PARD3B: variants seen among roughly 807,000 people sequenced by gnomAD.
PARD3B encodes par-3 family cell polarity regulator beta, also known as partitioning defective 3 homolog B.
Under a neutral mutation model 130.2 loss-of-function variants are expected in PARD3B, and 103 were observed. The observed-to-expected ratio is 0.79, with a 90% CI of 0.67 to 0.93. The LOEUF (loss-of-function observed/expected upper bound fraction) is 0.93, where lower values mean the gene tolerates loss of function less well. Ranked by LOEUF, PARD3B falls within the 40% of genes least tolerant of loss-of-function variation. PARD3B has a pLI of 0.00. For synonymous variants in PARD3B, 583 were observed against 553.2 expected (o/e 1.05, Z -0.76); for missense variants, 1,609 against 1,499.2 (o/e 1.07, Z -1.21).
Position 205,572,089 on chromosome 2 carries a change from T to C in PARD3B, c.3260+18686T>C, listed in dbSNP as rs146093448. On this transcript the variant is annotated intron_variant, in intron 22 of 22. Transcript: ENST00000406610. The surrounding 1 kb of genome is among the most constrained non-coding windows in gnomAD (Gnocchi z 4.2). ...ATGAAGGTAGAGAGTTGAGTCTTCA[T>C]TTATTGATTCATTCATTCAGTAAAC... is the stretch of plus-strand genomic sequence containing the variant. 5.3e-5 allele frequency among the ~76,000 whole-genome samples: 8 copies of C among 152,332 alleles called. No individual in the cohort carries two copies. The highest frequency in any genetic ancestry group is 1.9e-4 in the African/African-American group (8 of 41,590).
At chr2:204,662,313 G>A (rs1176461035) in intron 1 of PARD3B, among the ~76,000 whole-genome samples, 1 of 152,090 alleles carries the variant, frequency 6.6e-6, no homozygotes, top group African/African-American at 2.4e-5. Flanking sequence ...AATACAAGTT[G>A]GCAAAAATTC....
intron 22 of PARD3B, among the ~76,000 whole-genome samples, chr2:205,554,339 GAT>G (rs1491287011): frequency 1.3e-5 from 2 of 152,138 alleles, no homozygotes; most frequent in Non-Finnish European, 2.9e-5. Context: ...ACCTCTGTGT[GAT>G]TTTACAAAAC....
At position 205,203,522 on chromosome 2, in the gene PARD3B, C is replaced by T. The variant is rs111834852; in HGVS notation, c.2140+10202C>T. 7.6e-3 allele frequency among the ~76,000 whole-genome samples: 1,147 copies of T among 151,672 alleles called. 17 individuals carry two copies. Among genetic ancestry groups the T allele is most frequent in the Middle Eastern group, 0.014 (4 of 294 alleles). On this transcript the variant is annotated intron_variant, in intron 15 of 22. Coordinates refer to ENST00000406610, the MANE Select transcript of PARD3B (RefSeq NM_001302769.2). The stretch of plus-strand genomic sequence containing the variant: ...AGAACATGCAGGTTTGTTAAATAGG[C>T]ACACACGTGCCATGGTGGTTTGCTC...
intron 2 of PARD3B, among the ~76,000 whole-genome samples, chr2:204,916,432 T>C (rs1289072204): frequency 6.6e-6 from 1 of 152,208 alleles, no homozygotes; most frequent in Non-Finnish European, 1.5e-5. Flanking sequence ...TTTAATGTTT[T>C]AAAATTGTCT....
In PARD3B at chr2:204,610,419, G is replaced by C. The variant is rs187642212; in HGVS notation, c.120+64300G>C. Among the ~76,000 whole-genome samples the C allele has an allele frequency of 3.3e-5, 5 of 152,086 alleles. No homozygotes were observed. Among genetic ancestry groups the C allele is most frequent in the African/African-American group, 7.2e-5 (3 of 41,406 alleles). On this transcript the variant is annotated intron_variant, in intron 1 of 22. Transcript: ENST00000406610. This position sits in a 1 kb window ranked among gnomAD's most constrained non-coding sequence, Gnocchi z 4.1. ...TGCCTAGGCTGGAGGGCAGTGGCACGGTCTTGGCTTACTGCAACCTCGACC... is the reference window on the plus strand; with the variant it reads ...TGCCTAGGCTGGAGGGCAGTGGCACCGTCTTGGCTTACTGCAACCTCGACC...
chr2:205,210,571 A>G (rs1248345815), intron 15 of PARD3B, among the ~76,000 whole-genome samples: 1 of 152,094 alleles, frequency 6.6e-6, no homozygotes, highest in Admixed American at 6.6e-5. Context: ...AACAATCATG[A>G]TTATGTTATC....
intron 3 of PARD3B, among the ~76,000 whole-genome samples, chr2:205,010,800 G>T (rs1695649281): frequency 6.6e-6 from 1 of 151,918 alleles, no homozygotes; most frequent in Non-Finnish European, 1.5e-5. Context: ...ATTCAGAGTG[G>T]TGTGCTTTAT....
chr2:204,663,358 C>T (rs2035899565), intron 1 of PARD3B, among the ~76,000 whole-genome samples: 1 of 152,194 alleles, frequency 6.6e-6, no homozygotes. Flanking sequence ...TCACCCGCAT[C>T]CCTTAGTTGC....
rs537203722 is a variant in PARD3B at position 204,884,805 on chromosome 2, A to G, written c.223-80347A>G. ...GTCCATCCATGTCCCTACAGAGGAC[A>G]TTATCTCATTCCTTTTTATGGCTGC... On this transcript the variant is annotated intron_variant, in intron 2 of 22. Transcript: ENST00000406610. Among the ~76,000 whole-genome samples, 170 of 152,308 alleles carry G rather than the reference A, an allele frequency of 1.1e-3. 1 individual carries two copies. The highest frequency in any genetic ancestry group is 3.8e-3 in the African/African-American group (160 of 41,578).
At chr2:205,113,349 CTT>C in intron 5 of PARD3B, 140 bp from the exon 6 acceptor site, 1 of 479,384 alleles carries the variant, frequency 2.1e-6, no homozygotes. Flanking sequence ...ATTATGTACT[CTT>C]TTGACTTTGA....
Position 205,301,258 on chromosome 2 carries a change from G to A in PARD3B, c.2393-206G>A, listed in dbSNP as rs181988053. ...CTTTCATACTACCAGCTAAGCAACC[G>A]GTTGTCCCCACTCCCAGCATCAAGT... is the stretch of plus-strand genomic sequence containing the variant. On this transcript the variant is annotated intron_variant, in intron 17 of 22. Coordinates refer to ENST00000406610, the MANE Select transcript of PARD3B (RefSeq NM_001302769.2). The surrounding 1 kb of genome is among the most constrained non-coding windows in gnomAD (Gnocchi z 5.2). 5.5e-4 allele frequency among the ~76,000 whole-genome samples: 84 copies of A among 152,264 alleles called. No individual in the cohort carries two copies. Among genetic ancestry groups the A allele is most frequent in the Admixed American group, 5.9e-4 (9 of 15,300 alleles).
intron 4 of PARD3B, among the ~76,000 whole-genome samples, chr2:205,095,754 C>A (rs913114444): frequency 6.6e-6 from 1 of 151,840 alleles, no homozygotes; most frequent in Non-Finnish European, 1.5e-5. Flanking sequence ...CAAAAATAAG[C>A]GATAAAACCA....
chr2:205,223,187 T>G (rs2038336927), intron 15 of PARD3B, among the ~76,000 whole-genome samples: 1 of 152,092 alleles, frequency 6.6e-6, no homozygotes, highest in African/African-American at 2.4e-5. Flanking sequence ...CTATGTGACT[T>G]GAAGATGAAT....
chr2:205,040,426 C>T (rs970718986), intron 3 of PARD3B, among the ~76,000 whole-genome samples: 3 of 152,198 alleles, frequency 2.0e-5, no homozygotes, highest in Non-Finnish European at 4.4e-5. Context: ...AGGAAAGTTT[C>T]TGACCTATAG....
rs1559636235 is a variant in PARD3B at position 205,300,098 on chromosome 2, CGTCATGTT to C, written c.2186-431_2186-424del. Among the ~76,000 whole-genome samples the C allele has an allele frequency of 6.6e-6, 1 of 152,070 alleles. No individual in the cohort carries two copies. The highest frequency in any genetic ancestry group is 1.5e-5 in the Non-Finnish European group (1 of 68,018). ...AGGACGATACTGGAAGAGAAGCTCT[CGTCATGTT>C]AGGTGCTTGGTATGTTTGTGTGTGT... On this transcript the variant is annotated intron_variant, in intron 16 of 22. Transcript: ENST00000406610. The surrounding 1 kb of genome is among the most constrained non-coding windows in gnomAD (Gnocchi z 4.1).
chr2:205,447,383 C>CT (rs965990087), intron 20 of PARD3B, among the ~76,000 whole-genome samples: 12 of 151,986 alleles, frequency 7.9e-5, no homozygotes, highest in African/African-American at 2.4e-4. Flanking sequence ...CAGGATCTTT[C>CT]TTTTTTTTCT....
In PARD3B at chr2:205,302,065, C is replaced by CTTTTTTTTTTT. The variant is rs3048088; in HGVS notation, c.2630+377_2630+387dup. 7.7e-5 allele frequency among the ~76,000 whole-genome samples: 6 copies of CTTTTTTTTTTT among 77,780 alleles called. 1 individual carries two copies. The highest frequency in any genetic ancestry group is 1.1e-4 in the Non-Finnish European group (5 of 45,050). 51.0% of individuals were successfully genotyped at this position (77,780 alleles called of 152,430 possible). On this transcript the variant is annotated intron_variant, in intron 18 of 22. Transcript: ENST00000406610. ...CTATTCTTTTTTTCTTTTTTCTTTTCTTTTTTTTTTTTTTTTTTTTTTTGA... is the reference window on the plus strand; with the variant it reads ...CTATTCTTTTTTTCTTTTTTCTTTTCTTTTTTTTTTTTTTTTTTTTTTTTTTTTTTTTTTGA...
At chr2:204,559,829 A>G (rs1289125033) in intron 1 of PARD3B, among the ~76,000 whole-genome samples, 1 of 152,258 alleles carries the variant, frequency 6.6e-6, no homozygotes, top group African/African-American at 2.4e-5. Flanking sequence ...AAGATGTAGC[A>G]CATATATACC....
chr2:204,615,414 A>G (rs1428633386), intron 1 of PARD3B, among the ~76,000 whole-genome samples: 2 of 152,202 alleles, frequency 1.3e-5, no homozygotes, highest in African/African-American at 4.8e-5. Context: ...TGGTCATTTG[A>G]AAAACATTGG....
Sources: allele counts gnomAD v4.1 joint callset (sites outside exome capture counted in the v4.1 genomes callset), GRCh38; gene constraint gnomAD v4.1.1; non-coding constraint Gnocchi (gnomAD v3.1); transcripts MANE v1.5; gene names NCBI Gene and HGNC (gene_info 2026-07-23, HGNC 2026-07-21).